MYL11: variants seen among roughly 807,000 people sequenced by gnomAD.
The protein encoded by MYL11 is myosin regulatory light chain 11.
chr16:30,374,632 C>T, the MYL11 span: 256 of 543,982 alleles, frequency 4.7e-4, 4 homozygotes, highest in East Asian at 6.6e-3. Flanking sequence ...ACATGCTCCC[C>T]CCTTCCTCCC....
the MYL11 span, chr16:30,377,773 G>A: frequency 6.2e-7 from 1 of 1,611,982 alleles, no homozygotes; most frequent in Non-Finnish European, 8.5e-7. Context: ...GCCTGTGCGA[G>A]ACGCCCCTAC....
the MYL11 span, chr16:30,377,911 G>A: frequency 1.9e-6 from 3 of 1,598,220 alleles, no homozygotes; most frequent in Admixed American, 1.7e-5. Flanking sequence ...GGGCACCCGC[G>A]GGCCTCCGCT....
the MYL11 span, chr16:30,377,654 C>T: frequency 6.6e-7 from 1 of 1,516,468 alleles, no homozygotes. Flanking sequence ...CTCTCTCCAG[C>T]CTGGAGGAGC....
the MYL11 span, chr16:30,372,741 C>T: frequency 6.7e-6 from 1 of 148,412 alleles, no homozygotes; most frequent in Non-Finnish European, 1.5e-5. Flanking sequence ...TACTAGATCA[C>T]ATCCTTCTTC....
chr16:30,376,084 G>T, the MYL11 span: 1 of 1,575,622 alleles, frequency 6.3e-7, no homozygotes, highest in Non-Finnish European at 8.7e-7. Context: ...ATCCTCCTGG[G>T]GTAGGGATGC....
At chr16:30,371,837 T>C in the MYL11 span, among the ~76,000 whole-genome samples, 1 of 152,094 alleles carries the variant, frequency 6.6e-6, no homozygotes, top group Non-Finnish European at 1.5e-5. Flanking sequence ...CTCCAGGTTG[T>C]CCTTAGATCA....
chr16:30,371,916 C>T, the MYL11 span, among the ~76,000 whole-genome samples: 1 of 152,042 alleles, frequency 6.6e-6, no homozygotes, highest in Non-Finnish European at 1.5e-5. Context: ...TTTCTCTGAC[C>T]CCCATATTCT....
At chr16:30,375,740 A>G in the MYL11 span, 9 of 1,226,674 alleles carry the variant, frequency 7.3e-6, no homozygotes, top group Non-Finnish European at 9.4e-6. Context: ...GACTCGAAGA[A>G]TTCTGACTCT....
the MYL11 span, among the ~76,000 whole-genome samples, chr16:30,374,533 T>A: frequency 2.0e-5 from 3 of 152,154 alleles, no homozygotes; most frequent in African/African-American, 7.2e-5. Context: ...TTGGGTTGCG[T>A]CCCCTCTAAA....
At chr16:30,371,388 T>C in the MYL11 span, among the ~76,000 whole-genome samples, 4 of 152,134 alleles carry the variant, frequency 2.6e-5, no homozygotes, top group Non-Finnish European at 5.9e-5. Context: ...ACAGATCCAG[T>C]GCCCTGACCC....
chr16:30,377,905 A>G, the MYL11 span: 3 of 1,599,898 alleles, frequency 1.9e-6, no homozygotes, highest in South Asian at 1.1e-5. Context: ...GAGTAGGGGC[A>G]CCCGCGGGCC....
At chr16:30,376,490 C>T in the MYL11 span, 1 of 1,614,132 alleles carries the variant, frequency 6.2e-7, no homozygotes, top group Non-Finnish European at 8.5e-7. Context: ...CCATCAACTT[C>T]ACCGTCTTCC....
the MYL11 span, among the ~76,000 whole-genome samples, chr16:30,377,343 A>C: frequency 6.6e-6 from 1 of 152,116 alleles, no homozygotes; most frequent in Admixed American, 6.6e-5. Context: ...TGATCAAACC[A>C]CTGCATTCCA....
At chr16:30,374,039 G>A in the MYL11 span, among the ~76,000 whole-genome samples, 27 of 151,912 alleles carry the variant, frequency 1.8e-4, no homozygotes, top group Admixed American at 5.2e-4. Context: ...GGGGCCAGGC[G>A]CAGTGGCTCA....
At chr16:30,374,909 C>A in the MYL11 span, 2 of 1,594,502 alleles carry the variant, frequency 1.3e-6, no homozygotes, top group Admixed American at 1.8e-5. Context: ...GACCTCAGGG[C>A]AGCCTCACCC....
chr16:30,374,994 T>C, the MYL11 span: 39 of 1,195,450 alleles, frequency 3.3e-5, no homozygotes, highest in African/African-American at 3.7e-4. Flanking sequence ...GCATCACTGA[T>C]GGAAAACAGA....
At chr16:30,377,979 T>A in the MYL11 span, 1 of 1,408,276 alleles carries the variant, frequency 7.1e-7, no homozygotes, top group Non-Finnish European at 9.8e-7. Flanking sequence ...ATTTAACTGA[T>A]CTTTGTTTCT....
At chr16:30,377,576 G>C in the MYL11 span, 1 of 1,361,634 alleles carries the variant, frequency 7.3e-7, no homozygotes, top group East Asian at 2.6e-5. Flanking sequence ...GCTGGGGCTG[G>C]CATCGGGGAT....
At chr16:30,374,400 G>C in the MYL11 span, among the ~76,000 whole-genome samples, 1 of 151,742 alleles carries the variant, frequency 6.6e-6, no homozygotes, top group Non-Finnish European at 1.5e-5. Flanking sequence ...TCCTGCCTCA[G>C]CTTCCCAAAG....
Sources: allele counts gnomAD v4.1 joint callset (sites outside exome capture counted in the v4.1 genomes callset), GRCh38; gene constraint gnomAD v4.1.1; transcripts MANE v1.5; gene names NCBI Gene and HGNC (gene_info 2026-07-23, HGNC 2026-07-21).